The following INVS variants were observed in gnomAD, a reference collection of about 807,000 sequenced individuals.
INVS encodes inversion of embryo turning homolog.
In INVS, 86 loss-of-function variants were observed where a neutral mutation model predicts 108.8. That is an observed-to-expected ratio of 0.79 (90% confidence interval 0.66 to 0.95). The LOEUF is 0.95. Among genes scored for constraint, INVS ranks in the 40% least tolerant of loss-of-function variants. INVS has a pLI of 0.00. For synonymous variants in INVS, 455 were observed against 473.5 expected (o/e 0.96, Z 0.51); for missense variants, 1,169 against 1,297.4 (o/e 0.90, Z 1.52).
At chr9:100,174,423 A>G (rs1482421598) in intron 3 of INVS, among the ~76,000 whole-genome samples, 4 of 152,106 alleles carry the variant, frequency 2.6e-5, no homozygotes, top group Non-Finnish European at 5.9e-5. Flanking sequence ...AGAAGCGAAT[A>G]TACTAAGAAA....
chr9:100,185,797 T>TA (rs1830040509), intron 3 of INVS, among the ~76,000 whole-genome samples: 1 of 152,026 alleles, frequency 6.6e-6, no homozygotes, highest in South Asian at 2.1e-4. Context: ...AGTGAGAACA[T>TA]ACAGTATTTG....
At chr9:100,221,468 A>T (rs1364802897) in intron 3 of INVS, among the ~76,000 whole-genome samples, 1 of 152,144 alleles carries the variant, frequency 6.6e-6, no homozygotes, top group African/African-American at 2.4e-5. Context: ...GTGCCCAGCC[A>T]GTTGCTTGTT....
intron 3 of INVS, among the ~76,000 whole-genome samples, chr9:100,166,269 G>A (rs1465748590): frequency 6.6e-6 from 1 of 152,142 alleles, no homozygotes; most frequent in African/African-American, 2.4e-5. Flanking sequence ...GCTCCTTTGG[G>A]AAGCCTAGGC....
chr9:100,192,688 G>C (rs919466232), intron 3 of INVS, among the ~76,000 whole-genome samples: 2 of 152,176 alleles, frequency 1.3e-5, no homozygotes, highest in Non-Finnish European at 2.9e-5. Flanking sequence ...CAGTATGTGA[G>C]AGTTTCAGAT....
intron 3 of INVS, among the ~76,000 whole-genome samples, chr9:100,219,124 A>G (rs1365586024): frequency 3.9e-5 from 6 of 152,200 alleles, no homozygotes; most frequent in Admixed American, 1.3e-4. Flanking sequence ...CACACAGAGA[A>G]GATATTTGCA....
At chr9:100,175,429 T>G (rs1214912267) in intron 3 of INVS, 7 of 909,118 alleles carry the variant, frequency 7.7e-6, no homozygotes, top group Non-Finnish European at 1.3e-5. Context: ...AAGAAACAGA[T>G]GACCAGAACT....
intron 3 of INVS, among the ~76,000 whole-genome samples, chr9:100,145,436 TAAG>T (rs1233038893): frequency 6.6e-6 from 1 of 151,200 alleles, no homozygotes; most frequent in African/African-American, 2.4e-5. Context: ...GGTGCAAAGA[TAAG>T]AGGTCAGGGC....
Position 100,229,792 on chromosome 9 carries a change from G to T in INVS, c.580G>T (p.Asp194Tyr). Residue 194 changes from aspartate to tyrosine, a missense_variant, in exon 5 of 17, where the codon GAT becomes TAT. Around this residue, in one of 3 missense-constraint regions of INVS, gnomAD observed 365 missense variants for 397.5 expected, o/e 0.92. Transcript: ENST00000262457. ...IPLHWAANHK[D>Y]PSAVHTVRCI... ...ACTTCACTGGGCAGCCAACCATAAA[G>T]ATCCAAGTGCTGTTCACACAGTGAG... 1 of 1,614,166 alleles carries T rather than the reference G, an allele frequency of 6.2e-7. No individual in the cohort carries two copies. Among genetic ancestry groups the T allele is most frequent in the Non-Finnish European group, 8.5e-7 (1 of 1,180,008 alleles).
At chr9:100,163,131 CTCTT>C (rs1431774757) in intron 3 of INVS, among the ~76,000 whole-genome samples, 1 of 151,574 alleles carries the variant, frequency 6.6e-6, no homozygotes, top group Non-Finnish European at 1.5e-5. Flanking sequence ...GCTCTACAGA[CTCTT>C]TCTTGCCACT....
At chr9:100,229,167 C>T (rs368961375) in intron 4 of INVS, among the ~76,000 whole-genome samples, 10 of 152,282 alleles carry the variant, frequency 6.6e-5, no homozygotes, top group East Asian at 5.8e-4. Flanking sequence ...CACCTTTTCA[C>T]TTAAAGGAAA....
intron 2 of INVS, among the ~76,000 whole-genome samples, chr9:100,107,444 G>C (rs1478184712): frequency 6.6e-6 from 1 of 151,988 alleles, no homozygotes; most frequent in East Asian, 1.9e-4. Flanking sequence ...ATTATACTTG[G>C]AATAAAATTT....
chr9:100,116,487 T>C (rs1230447951), intron 2 of INVS, among the ~76,000 whole-genome samples: 3 of 152,196 alleles, frequency 2.0e-5, no homozygotes, highest in Non-Finnish European at 4.4e-5. Flanking sequence ...CAAATATGTG[T>C]TTTGCAAATA....
At chr9:100,197,988 T>C (rs1830427579) in intron 3 of INVS, among the ~76,000 whole-genome samples, 1 of 152,164 alleles carries the variant, frequency 6.6e-6, no homozygotes, top group African/African-American at 2.4e-5. Flanking sequence ...CCCAACATTT[T>C]AACAAAAGAC....
intron 3 of INVS, among the ~76,000 whole-genome samples, chr9:100,222,798 G>C (rs1831192710): frequency 6.6e-6 from 1 of 150,618 alleles, no homozygotes; most frequent in South Asian, 2.1e-4. Flanking sequence ...GTGTCACACA[G>C]ATTTGTTTTT....
At chr9:100,211,161 A>T (rs1178863325) in intron 3 of INVS, among the ~76,000 whole-genome samples, 2 of 152,126 alleles carry the variant, frequency 1.3e-5, no homozygotes, top group Non-Finnish European at 2.9e-5. Context: ...ACAAAAAAAA[A>T]ATGTTGTCCT....
intron 3 of INVS, among the ~76,000 whole-genome samples, chr9:100,215,992 T>C (rs979104955): frequency 1.3e-5 from 2 of 152,216 alleles, no homozygotes; most frequent in African/African-American, 4.8e-5. Flanking sequence ...AGTGCAGTGA[T>C]GGATCCTAGT....
intron 3 of INVS, among the ~76,000 whole-genome samples, chr9:100,150,904 A>G (rs903963126): frequency 6.6e-6 from 1 of 152,192 alleles, no homozygotes; most frequent in African/African-American, 2.4e-5. Flanking sequence ...TAAAATGCCA[A>G]AGTGAGGGGG....
At chr9:100,179,883 A>G (rs1829828789) in intron 3 of INVS, among the ~76,000 whole-genome samples, 1 of 152,198 alleles carries the variant, frequency 6.6e-6, no homozygotes, top group African/African-American at 2.4e-5. Flanking sequence ...AATTGACCAC[A>G]TAATTGGAAG....
chr9:100,235,005 C>T (rs1831634572), intron 5 of INVS, among the ~76,000 whole-genome samples: 1 of 152,136 alleles, frequency 6.6e-6, no homozygotes, highest in African/African-American at 2.4e-5. Context: ...GTGTAAGTCT[C>T]TTTGTAGGTC....
Sources: gnomAD v4.1 joint callset for allele counts (sites outside exome capture counted in the v4.1 genomes callset) on GRCh38, gnomAD v4.1.1 for gene constraint, gnomAD v4.1.1 regional missense constraint, MANE v1.5 for transcripts, NCBI Gene and HGNC (gene_info 2026-07-23, HGNC 2026-07-21) for gene names.